EML6: variants seen among roughly 807,000 people sequenced by gnomAD.
EML6 encodes echinoderm microtubule-associated protein-like 6.
EML6 carries 154 observed loss-of-function variants against 240.1 expected under a neutral mutation model. The observed-to-expected ratio is 0.64, with a 90% CI of 0.56 to 0.73. The LOEUF (loss-of-function observed/expected upper bound fraction) is 0.73, where lower values mean the gene tolerates loss of function less well. Among genes scored for constraint, EML6 ranks in the 30% least tolerant of loss-of-function variants. The probability of loss-of-function intolerance (pLI) is 0.00; values close to 1 mark genes in which losing one functional copy is unlikely to be tolerated. For synonymous variants in EML6, 1,148 were observed against 899.0 expected (o/e 1.28, Z -4.95); for missense variants, 2,964 against 2,474.6 (o/e 1.20, Z -4.20).
intron 38 of EML6, 26 bp from the exon 39 acceptor site, chr2:54,966,974 G>A (rs1397553553): frequency 1.4e-6 from 2 of 1,462,684 alleles, no homozygotes; most frequent in Non-Finnish European, 1.9e-6. Context: ...GAACGTTGAT[G>A]AACATGGCTT....
chr2:54,843,083 A>G (rs948761288), intron 7 of EML6, among the ~76,000 whole-genome samples: 5 of 152,238 alleles, frequency 3.3e-5, no homozygotes, highest in African/African-American at 4.8e-5. Context: ...TTTTAACACA[A>G]TGTTATTCCT....
At chr2:54,921,595 G>A (rs1401961962) in intron 26 of EML6, among the ~76,000 whole-genome samples, 1 of 152,032 alleles carries the variant, frequency 6.6e-6, no homozygotes, top group Non-Finnish European at 1.5e-5. Flanking sequence ...AAATGTGTAT[G>A]TAACCACAAA....
At chr2:54,953,884 C>G (rs1450185553) in intron 31 of EML6, 99 bp from the exon 32 acceptor site, 25 of 816,572 alleles carry the variant, frequency 3.1e-5, no homozygotes, top group Non-Finnish European at 3.5e-5. Flanking sequence ...AAGACTCTGT[C>G]TAAAAAAAAA....
chr2:54,773,960 G>C (rs1279337583), intron 2 of EML6, among the ~76,000 whole-genome samples: 2 of 152,000 alleles, frequency 1.3e-5, no homozygotes, highest in Non-Finnish European at 2.9e-5. Context: ...CTTTTTTCTT[G>C]TTCCTTTGCT....
intron 25 of EML6, among the ~76,000 whole-genome samples, chr2:54,911,635 C>T (rs183039977): frequency 2.6e-5 from 4 of 152,158 alleles, no homozygotes; most frequent in Non-Finnish European, 5.9e-5. Context: ...TGGGGTTTCC[C>T]CATGTTGGCC....
intron 17 of EML6, among the ~76,000 whole-genome samples, chr2:54,883,325 A>G (rs570060996): frequency 1.3e-5 from 2 of 152,178 alleles, no homozygotes; most frequent in Non-Finnish European, 2.9e-5. Context: ...CTAATTTGTT[A>G]CCTGTCTTGT....
At chr2:54,766,006 T>G (rs1668173650) in intron 2 of EML6, among the ~76,000 whole-genome samples, 1 of 152,166 alleles carries the variant, frequency 6.6e-6, no homozygotes, top group African/African-American at 2.4e-5. Context: ...TCTTATTCTC[T>G]CTCCCTTCTT....
chr2:54,800,207 T>G (rs1208643623), intron 2 of EML6, among the ~76,000 whole-genome samples: 1 of 152,176 alleles, frequency 6.6e-6, no homozygotes, highest in Non-Finnish European at 1.5e-5. Context: ...ATCACACTAC[T>G]GCACTCCAGC....
At chr2:54,961,972 C>G (rs927424527) in intron 35 of EML6, among the ~76,000 whole-genome samples, 2 of 151,676 alleles carry the variant, frequency 1.3e-5, no homozygotes, top group South Asian at 2.1e-4. Flanking sequence ...CCACTGCACT[C>G]CAGCCTGGGT....
At chr2:54,940,825 A>G (rs1258109514) in intron 28 of EML6, among the ~76,000 whole-genome samples, 3 of 152,244 alleles carry the variant, frequency 2.0e-5, no homozygotes. Context: ...TCTGTCCTTC[A>G]GGAATTACAA....
chr2:54,912,563 C>A (rs1673699101), intron 25 of EML6, among the ~76,000 whole-genome samples: 1 of 152,118 alleles, frequency 6.6e-6, no homozygotes, highest in African/African-American at 2.4e-5. Context: ...TTGCCACCTC[C>A]TCTCTCTGCC....
chr2:54,946,118 A>T (rs1675683237), intron 28 of EML6, among the ~76,000 whole-genome samples: 1 of 152,174 alleles, frequency 6.6e-6, no homozygotes, highest in African/African-American at 2.4e-5. Context: ...TCTCCTGATT[A>T]TCCAGTTTGT....
chr2:54,791,272 C>CG (rs1426429784), intron 2 of EML6, among the ~76,000 whole-genome samples: 1 of 152,144 alleles, frequency 6.6e-6, no homozygotes, highest in Non-Finnish European at 1.5e-5. Flanking sequence ...ACAGTCCTGC[C>CG]GGTATGCTCA....
At chr2:54,907,946 AAGATAGATAGATAGAT>A (rs11267419) in intron 24 of EML6, among the ~76,000 whole-genome samples, 527 of 37,962 alleles carry the variant, frequency 0.014, 3 homozygotes, top group Non-Finnish European at 0.024. Flanking sequence ...ATAGATAGAT[AAGATAGATAGATAGAT>A]AGATAGATAG....
intron 16 of EML6, among the ~76,000 whole-genome samples, chr2:54,872,868 C>T (rs1028005797): frequency 2.0e-5 from 3 of 152,062 alleles, no homozygotes; most frequent in Non-Finnish European, 4.4e-5. Flanking sequence ...TTTGTGCATC[C>T]CTTAGCCCTT....
chr2:54,906,821 C>T (rs960231158), intron 24 of EML6, among the ~76,000 whole-genome samples: 3 of 152,204 alleles, frequency 2.0e-5, no homozygotes, highest in Non-Finnish European at 4.4e-5. Context: ...CGAGAATGTG[C>T]CATGCTGCCT....
At chr2:54,860,066 C>T (rs1670595406) in intron 12 of EML6, among the ~76,000 whole-genome samples, 1 of 152,162 alleles carries the variant, frequency 6.6e-6, no homozygotes, top group Non-Finnish European at 1.5e-5. Context: ...ACCCACCAGG[C>T]AACTGAGAAA....
At chr2:54,851,570 A>G (rs1240872383) in intron 10 of EML6, among the ~76,000 whole-genome samples, 2 of 152,206 alleles carry the variant, frequency 1.3e-5, no homozygotes, top group Non-Finnish European at 2.9e-5. Context: ...AATTTTCTGT[A>G]TGCTCGAAGT....
At chr2:54,892,396 C>A in intron 18 of EML6, 58 bp from the exon 19 acceptor site, 2 of 1,166,468 alleles carry the variant, frequency 1.7e-6, no homozygotes, top group Non-Finnish European at 2.5e-6. Flanking sequence ...AGTCCTTCTA[C>A]ATGCTTATAG....
Sources: gnomAD v4.1 joint callset for allele counts (sites outside exome capture counted in the v4.1 genomes callset) on GRCh38, gnomAD v4.1.1 for gene constraint, MANE v1.5 for transcripts, NCBI Gene and HGNC (gene_info 2026-07-23, HGNC 2026-07-21) for gene names.